The following PLEK variants were observed in gnomAD, a reference collection of about 807,000 sequenced individuals.
PLEK encodes pleckstrin, also known as platelet 47 kDa protein.
PLEK carries 25 observed loss-of-function variants against 43.9 expected under a neutral mutation model. That is an observed-to-expected ratio of 0.57 (90% CI 0.41 to 0.79). PLEK has a LOEUF of 0.79. Ranked by LOEUF, PLEK falls within the 30% of genes least tolerant of loss-of-function variation. The pLI, the probability that PLEK is intolerant of heterozygous loss-of-function variation, is 0.00. For synonymous variants in PLEK, 152 were observed against 144.4 expected (o/e 1.05, Z -0.38); for missense variants, 396 against 413.3 (o/e 0.96, Z 0.36).
intron 1 of PLEK, among the ~76,000 whole-genome samples, chr2:68,367,811 G>A (rs1211535301): frequency 2.0e-5 from 3 of 152,280 alleles, no homozygotes; most frequent in East Asian, 3.9e-4. Context: ...GCTCTTAGAA[G>A]CCTTGGCTAT....
chr2:68,396,012 T>G lies in PLEK; in HGVS notation c.*196T>G. 1 of 575,280 alleles carries G rather than the reference T, an allele frequency of 1.7e-6. No homozygotes were observed. The highest frequency in any genetic ancestry group is 2.2e-5 in the South Asian group (1 of 45,490). The allele number at this position is 575,280 out of a possible 1,614,324, so 35.6% of individuals were successfully genotyped here. On this transcript the variant is annotated 3_prime_UTR_variant, in exon 9 of 9. Transcript: ENST00000234313. The stretch of plus-strand genomic sequence containing the variant: ...ATTGTATTGCTCACTGCAGCCCCTC[T>G]GCCCCTATCCATGACCCCCAAGCAG...
chr2:68,385,160 G>A (rs4671914), intron 4 of PLEK, among the ~76,000 whole-genome samples: 44,886 of 151,946 alleles, frequency 0.3, 7,372 homozygotes, highest in East Asian at 0.69. Flanking sequence ...ACGTATTTAT[G>A]GGGCACAATT....
At chr2:68,366,553 CAG>C (rs1479014110) in intron 1 of PLEK, among the ~76,000 whole-genome samples, 1 of 152,180 alleles carries the variant, frequency 6.6e-6, no homozygotes, top group Non-Finnish European at 1.5e-5. Flanking sequence ...TTCATTACTC[CAG>C]CATTTTCTTA....
chr2:68,390,875 T>C (rs553128930), intron 6 of PLEK, among the ~76,000 whole-genome samples: 88 of 152,352 alleles, frequency 5.8e-4, no homozygotes, highest in African/African-American at 2.0e-3. Context: ...TCTTAGATTA[T>C]ATTCAGTATA....
At chr2:68,389,158 G>C (rs1558500779) in intron 6 of PLEK, among the ~76,000 whole-genome samples, 1 of 152,240 alleles carries the variant, frequency 6.6e-6, no homozygotes, top group Non-Finnish European at 1.5e-5. Flanking sequence ...ATGATGCCAA[G>C]AGGTAAGAGA....
At chr2:68,377,419 C>A (rs12469826) in intron 1 of PLEK, among the ~76,000 whole-genome samples, 3,534 of 152,282 alleles carry the variant, frequency 0.023, 69 homozygotes, top group Admixed American at 0.069. Context: ...TCTCCACATC[C>A]TCAAAAACAT....
chr2:68,394,388 G>A (rs762067765), intron 8 of PLEK, among the ~76,000 whole-genome samples: 29 of 152,138 alleles, frequency 1.9e-4, no homozygotes, highest in Non-Finnish European at 2.8e-4. Flanking sequence ...CCTGGCTAAC[G>A]TGGTGAAACC....
In PLEK at chr2:68,394,173, A is replaced by G. The variant is rs1305232683; in HGVS notation, c.913A>G (p.Asn305Asp). 2 of 1,591,564 alleles carry G rather than the reference A, an allele frequency of 1.3e-6. No homozygotes were observed. The highest frequency in any genetic ancestry group is 2.7e-5 in the African/African-American group (2 of 74,532). The change falls in exon 8 of 9, where the codon AAT (asparagine) becomes GAT (aspartate). Residue 305 changes from asparagine (N) to aspartate (D), a missense_variant. Asn to Asp is a conservative substitution (Grantham distance 23). Coordinates refer to ENST00000234313, the MANE Select transcript of PLEK (RefSeq NM_002664.3). ...GGTGACTTCAGTGGAGAGCAACTCA[A>G]ATGGTAAGATGAATTTCTGTGTGAG... ...CVVTSVESNSNGRKSEEENLF... is the reference protein window; with the variant it reads ...CVVTSVESNSDGRKSEEENLF...
chr2:68,373,677 A>G (rs1673451507), intron 1 of PLEK, among the ~76,000 whole-genome samples: 2 of 152,102 alleles, frequency 1.3e-5, no homozygotes, highest in East Asian at 1.9e-4. Flanking sequence ...GCTTATCGCT[A>G]CTGATGCATC....
intron 1 of PLEK, among the ~76,000 whole-genome samples, chr2:68,379,168 G>A (rs1236155621): frequency 6.6e-6 from 1 of 152,014 alleles, no homozygotes; most frequent in Admixed American, 6.6e-5. Context: ...TTTAAAAAAA[G>A]AGACAGAGAG....
intron 1 of PLEK, 36 bp from the exon 2 acceptor site, chr2:68,380,292 C>G (rs1462684095): frequency 6.4e-7 from 1 of 1,565,426 alleles, no homozygotes; most frequent in African/African-American, 1.4e-5. Context: ...TTGCAAAGAG[C>G]CCTGTCCATC....
chr2:68,391,311 A>G (rs1673854223), intron 6 of PLEK, among the ~76,000 whole-genome samples: 1 of 152,186 alleles, frequency 6.6e-6, no homozygotes, highest in African/African-American at 2.4e-5. Context: ...TTGGCTCATA[A>G]TAAGTTGGTG....
At chr2:68,381,696 C>A (rs1673621319) in intron 3 of PLEK, among the ~76,000 whole-genome samples, 1 of 152,186 alleles carries the variant, frequency 6.6e-6, no homozygotes, top group Non-Finnish European at 1.5e-5. Context: ...AAAGACATCC[C>A]TTCTGCACTT....
At chr2:68,394,702 C>T (rs1250526827) in intron 8 of PLEK, among the ~76,000 whole-genome samples, 1 of 152,180 alleles carries the variant, frequency 6.6e-6, no homozygotes, top group Non-Finnish European at 1.5e-5. Context: ...TATCACTTCA[C>T]AATGGCTGAG....
intron 1 of PLEK, among the ~76,000 whole-genome samples, chr2:68,377,243 A>G (rs920041393): frequency 6.6e-6 from 1 of 152,154 alleles, no homozygotes; most frequent in Non-Finnish European, 1.5e-5. Context: ...GAGTGCAGAT[A>G]TCTCATCCAT....
At chr2:68,395,593 CAG>C (rs1325029526) in intron 8 of PLEK, 85 bp from the exon 9 acceptor site, 14 of 1,414,772 alleles carry the variant, frequency 9.9e-6, no homozygotes, top group African/African-American at 1.4e-5. Context: ...ACGAAGAAAA[CAG>C]AGATTTCATG....
intron 1 of PLEK, among the ~76,000 whole-genome samples, chr2:68,372,333 C>T (rs1673424903): frequency 1.3e-5 from 2 of 151,852 alleles, no homozygotes; most frequent in South Asian, 4.2e-4. Flanking sequence ...ATCACCACAC[C>T]CAGCTAATTT....
chr2:68,395,008 G>A lies in PLEK; in HGVS notation c.917-672G>A, dbSNP rs1673937158. 1.7e-5 allele frequency among the ~76,000 whole-genome samples: 2 copies of A among 118,940 alleles called. 1 individual carries two copies. The highest frequency in any genetic ancestry group is 6.7e-5 in the African/African-American group (2 of 29,876). 78.0% of individuals were successfully genotyped at this position (118,940 alleles called of 152,430 possible). A position where few individuals can be genotyped will look rare whatever the true frequency, so the allele number is the denominator to read the frequency against. On this transcript the variant is annotated intron_variant, in intron 8 of 8. Transcript: ENST00000234313. Reference sequence around the variant, plus strand: ...GAATTATACTTTGGTTTTAGGGCAGGGAGCATGCTGGTTCTTTATTTGATT... The same window carrying A: ...GAATTATACTTTGGTTTTAGGGCAGAGAGCATGCTGGTTCTTTATTTGATT...
At chr2:68,370,702 T>C (rs1444987784) in intron 1 of PLEK, among the ~76,000 whole-genome samples, 2 of 152,166 alleles carry the variant, frequency 1.3e-5, no homozygotes, top group Non-Finnish European at 1.5e-5. Flanking sequence ...GCCAGGCTTG[T>C]CTTGAACTCT....
Sources: allele counts gnomAD v4.1 joint callset (sites outside exome capture counted in the v4.1 genomes callset), GRCh38; gene constraint gnomAD v4.1.1; transcripts MANE v1.5; gene names NCBI Gene and HGNC (gene_info 2026-07-23, HGNC 2026-07-21).